The following CNTN6 variants were observed in gnomAD, a reference collection of about 807,000 sequenced individuals.
CNTN6 encodes contactin-6.
Under a neutral mutation model 122.8 loss-of-function variants are expected in CNTN6, and 137 were observed. The observed-to-expected ratio is 1.12, with a 90% confidence interval of 0.97 to 1.29. The LOEUF is 1.29. Ranked by LOEUF, CNTN6 falls within the 50% of genes most tolerant of loss-of-function variation. CNTN6 has a pLI of 0.00. For missense variants in CNTN6, 1,634 were observed against 1,223.4 expected, an observed-to-expected ratio of 1.34 and a Z score of -5.01; for synonymous variants, 570 against 426.0, an observed-to-expected ratio of 1.34 and a Z score of -4.16.
chr3:1,314,705 A>G (rs1699851496), intron 7 of CNTN6, among the ~76,000 whole-genome samples: 1 of 152,066 alleles, frequency 6.6e-6, no homozygotes, highest in African/African-American at 2.4e-5. Context: ...ACATGACAGG[A>G]TGAAGTAAAA....
At chr3:1,178,672 G>C (rs889108396) in intron 2 of CNTN6, among the ~76,000 whole-genome samples, 6 of 152,094 alleles carry the variant, frequency 3.9e-5, no homozygotes, top group African/African-American at 1.4e-4. Flanking sequence ...CAAAAGAGTG[G>C]AGACTAAATA....
intron 2 of CNTN6, among the ~76,000 whole-genome samples, chr3:1,153,029 A>G (rs950057776): frequency 9.2e-5 from 14 of 152,232 alleles, no homozygotes; most frequent in Admixed American, 1.3e-4. Flanking sequence ...AAGTACTACT[A>G]TTTAAATGGT....
intron 2 of CNTN6, among the ~76,000 whole-genome samples, chr3:1,156,609 TTTTTC>T (rs907203951): frequency 2.7e-5 from 4 of 149,238 alleles, no homozygotes; most frequent in Non-Finnish European, 5.9e-5. Flanking sequence ...TCTTTCTTTC[TTTTTC>T]TTTTCTTTCT....
At position 1,373,774 on chromosome 3, in the gene CNTN6, A is replaced by C. The variant is rs776417177; in HGVS notation, c.1945+12A>C. On this transcript the variant is annotated intron_variant, in intron 15 of 22. Transcript: ENST00000446702. ...GGCTGTTGCTACAGGTGAGTGACAA[A>C]AGTGTTTTGGGTCACTTTAAAAATA... 1.9e-6 allele frequency: 3 copies of C among 1,583,138 alleles called. No individual in the cohort carries two copies. In the East Asian group the frequency reaches 6.8e-5, roughly 36 times the overall value.
At position 1,170,291 on chromosome 3, in the gene CNTN6, C is replaced by G. The variant is rs189434029; in HGVS notation, c.55+22228C>G. 3.5e-4 allele frequency among the ~76,000 whole-genome samples: 51 copies of G among 145,464 alleles called. No individual in the cohort carries two copies. In the East Asian group the frequency reaches 0.01, roughly 29 times the overall value. ...AATACTTTTAATATGCTTACTCACACTATTCAAAGATCTTTAATTATAATC... is the reference window on the plus strand; with the variant it reads ...AATACTTTTAATATGCTTACTCACAGTATTCAAAGATCTTTAATTATAATC... On this transcript the variant is annotated intron_variant, in intron 2 of 22. Transcript: ENST00000446702.
intron 11 of CNTN6, among the ~76,000 whole-genome samples, chr3:1,332,907 C>T (rs572427032): frequency 6.6e-6 from 1 of 152,092 alleles, no homozygotes; most frequent in South Asian, 2.1e-4. Flanking sequence ...CAGAACAGAT[C>T]CTAAATCCTA....
At chr3:1,374,672 T>G (rs1709599725) in intron 16 of CNTN6, among the ~76,000 whole-genome samples, 1 of 152,078 alleles carries the variant, frequency 6.6e-6, no homozygotes, top group African/African-American at 2.4e-5. Context: ...CCACTCAAAC[T>G]TTTACATCCA....
chr3:1,117,666 C>T (rs2091779413), intron 1 of CNTN6, among the ~76,000 whole-genome samples: 1 of 152,180 alleles, frequency 6.6e-6, no homozygotes, highest in African/African-American at 2.4e-5. Context: ...CAAGTTCCTG[C>T]ATTGCTCCCT....
At chr3:1,362,858 C>G (rs1053358133) in intron 12 of CNTN6, among the ~76,000 whole-genome samples, 20 of 151,104 alleles carry the variant, frequency 1.3e-4, no homozygotes, top group Admixed American at 2.0e-4. Flanking sequence ...TAGCTAAGCA[C>G]ACAGTAGCAA....
At chr3:1,293,174 A>C (rs1169549063) in intron 5 of CNTN6, among the ~76,000 whole-genome samples, 1 of 152,156 alleles carries the variant, frequency 6.6e-6, no homozygotes, top group Non-Finnish European at 1.5e-5. Context: ...TGTTGTGAGA[A>C]ATTAATTATT....
intron 4 of CNTN6, among the ~76,000 whole-genome samples, chr3:1,261,447 C>A (rs1175254554): frequency 6.6e-6 from 1 of 152,110 alleles, no homozygotes; most frequent in Non-Finnish European, 1.5e-5. Context: ...CCAGCATAGG[C>A]CAAGGAAACT....
intron 4 of CNTN6, among the ~76,000 whole-genome samples, chr3:1,271,752 T>G (rs184868518): frequency 6.6e-6 from 1 of 152,152 alleles, no homozygotes; most frequent in African/African-American, 2.4e-5. Flanking sequence ...TAGCAATTTG[T>G]ACAACTTTTT....
At position 1,325,850 on chromosome 3, in the gene CNTN6, C is replaced by G; in HGVS notation, c.982C>G (p.His328Asp). The change falls in exon 9 of 23, where the codon CAC (histidine) becomes GAC (aspartate). Residue 328 changes from histidine (H) to aspartate (D), a missense_variant. His to Asp is a moderately conservative substitution (Grantham distance 81). Coordinates refer to ENST00000446702, the MANE Select transcript of CNTN6 (RefSeq NM_001289080.2). ...ATGGGAACAGAAAATCCAAAATACA[C>G]ACCTCTCTATCTATGACAACTTGCT... ...PEWEQKIQNT[H>D]LSIYDNLLWE... 1 of 1,611,778 alleles carries G rather than the reference C, an allele frequency of 6.2e-7. No individual in the cohort carries two copies. The highest frequency in any genetic ancestry group is 8.5e-7 in the Non-Finnish European group (1 of 1,178,624).
chr3:1,300,117 C>T (rs925267794), intron 7 of CNTN6, among the ~76,000 whole-genome samples: 11 of 152,136 alleles, frequency 7.2e-5, no homozygotes, highest in African/African-American at 2.7e-4. Context: ...GCTGGGACTA[C>T]AGGTGCCCGC....
At chr3:1,167,614 C>T (rs1243914367) in intron 2 of CNTN6, among the ~76,000 whole-genome samples, 16 of 151,874 alleles carry the variant, frequency 1.1e-4, no homozygotes, top group Admixed American at 2.0e-4. Context: ...TTAAACATAC[C>T]GTAAGTCCCT....
At chr3:1,142,039 G>T (rs528326945) in intron 1 of CNTN6, among the ~76,000 whole-genome samples, 1 of 152,002 alleles carries the variant, frequency 6.6e-6, no homozygotes, top group South Asian at 2.1e-4. Flanking sequence ...CAAGCCTGCC[G>T]GACAAACCAA....
intron 4 of CNTN6, among the ~76,000 whole-genome samples, chr3:1,275,782 C>G (rs1457349294): frequency 7.0e-6 from 1 of 143,612 alleles, no homozygotes; most frequent in Admixed American, 7.0e-5. Flanking sequence ...CTATGAGAAT[C>G]TAATGCCACT....
At chr3:1,149,069 A>T (rs1165827473) in intron 2 of CNTN6, among the ~76,000 whole-genome samples, 2 of 152,214 alleles carry the variant, frequency 1.3e-5, no homozygotes, top group Non-Finnish European at 2.9e-5. Context: ...GTGGAATGAC[A>T]CTACATCTCT....
intron 7 of CNTN6, among the ~76,000 whole-genome samples, chr3:1,315,342 C>T (rs77543171): frequency 0.01 from 1,561 of 152,010 alleles, 30 homozygotes; most frequent in African/African-American, 0.036. Flanking sequence ...GTAGGAGAAA[C>T]AGTCTATTAG....
Sources: gnomAD v4.1 joint callset for allele counts (sites outside exome capture counted in the v4.1 genomes callset) on GRCh38, gnomAD v4.1.1 for gene constraint, MANE v1.5 for transcripts, NCBI Gene and HGNC (gene_info 2026-07-23, HGNC 2026-07-21) for gene names.